Variants in CDH20 observed in about 807,000 individuals in gnomAD.
The protein encoded by CDH20 is cadherin 20.
A neutral mutation model predicts 74.2 loss-of-function variants in CDH20; 29 were observed. That is an observed-to-expected ratio of 0.39 (90% confidence interval 0.29 to 0.53). The LOEUF (loss-of-function observed/expected upper bound fraction) is 0.53. CDH20 is among the 20% of genes least tolerant of loss of function. The probability of loss-of-function intolerance (pLI) is 0.69; values close to 1 mark genes in which losing one functional copy is unlikely to be tolerated. For missense variants in CDH20, 988 were observed against 1,048.3 expected (o/e 0.94, Z 0.79); for synonymous variants, 469 against 405.4 (o/e 1.16, Z -1.88).
chr18:61,341,203 A>C (rs1452118520), intron 1 of CDH20, among the ~76,000 whole-genome samples: 1 of 152,008 alleles, frequency 6.6e-6, no homozygotes, highest in Non-Finnish European at 1.5e-5. Flanking sequence ...ACAGAAATTT[A>C]TTTTTCATGG....
intron 6 of CDH20, among the ~76,000 whole-genome samples, chr18:61,510,650 A>T (rs947313591): frequency 6.6e-6 from 1 of 152,178 alleles, no homozygotes; most frequent in Non-Finnish European, 1.5e-5. Context: ...AGGATCCAGA[A>T]TTCCACCAAC....
At chr18:61,485,204 T>C (rs1044403034) in intron 1 of CDH20, among the ~76,000 whole-genome samples, 6 of 152,234 alleles carry the variant, frequency 3.9e-5, no homozygotes, top group Non-Finnish European at 8.8e-5. Flanking sequence ...AAGGTAATAC[T>C]GTAATTCTTC....
chr18:61,403,976 T>G (rs977731284), intron 1 of CDH20, among the ~76,000 whole-genome samples: 2 of 152,010 alleles, frequency 1.3e-5, no homozygotes, highest in Non-Finnish European at 2.9e-5. Flanking sequence ...CAGACTAACG[T>G]GGGAACAGAA....
intron 1 of CDH20, among the ~76,000 whole-genome samples, chr18:61,437,172 C>T (rs1312442482): frequency 6.6e-6 from 1 of 152,154 alleles, no homozygotes; most frequent in East Asian, 1.9e-4. Flanking sequence ...GCAAACATTC[C>T]ATTGCCACCA....
At position 61,554,177 on chromosome 18, in the gene CDH20, T is replaced by C. The variant is rs372695616; in HGVS notation, c.1901-13T>C. ...CTCCTCGGTAAACACACTCTCCTTTTTGTTCCTGGCAGTGCTGGTGTTGCT... is the reference window on the plus strand; with the variant it reads ...CTCCTCGGTAAACACACTCTCCTTTCTGTTCCTGGCAGTGCTGGTGTTGCT... On this transcript the variant is annotated splice_polypyrimidine_tract_variant and intron_variant, in intron 11 of 11. Coordinates refer to ENST00000262717, the MANE Select transcript of CDH20 (RefSeq NM_031891.4). 4.8e-5 allele frequency: 77 copies of C among 1,600,702 alleles called. No homozygotes were observed. Among genetic ancestry groups the C allele is most frequent in the Non-Finnish European group, 6.5e-5 (76 of 1,170,886 alleles).
chr18:61,391,087 T>A (rs887078747), intron 1 of CDH20, among the ~76,000 whole-genome samples: 4 of 152,206 alleles, frequency 2.6e-5, no homozygotes, highest in African/African-American at 9.6e-5. Flanking sequence ...TTTTGCTATG[T>A]ACATATGACA....
At chr18:61,480,761 T>C (rs1910562039) in intron 1 of CDH20, among the ~76,000 whole-genome samples, 1 of 152,216 alleles carries the variant, frequency 6.6e-6, no homozygotes, top group South Asian at 2.1e-4. Flanking sequence ...TCATAAGATT[T>C]CCAAGTATTT....
chr18:61,486,102 C>T (rs950015361), intron 1 of CDH20, among the ~76,000 whole-genome samples: 2 of 152,074 alleles, frequency 1.3e-5, no homozygotes, highest in African/African-American at 4.8e-5. Context: ...TAAACAAACC[C>T]ATTTTACTTA....
chr18:61,362,812 T>C (rs1484766792), intron 1 of CDH20, among the ~76,000 whole-genome samples: 2 of 152,142 alleles, frequency 1.3e-5, no homozygotes, highest in East Asian at 3.8e-4. Context: ...GTATACAAAA[T>C]TACCCATATG....
At chr18:61,430,574 T>G (rs1441919755) in intron 1 of CDH20, among the ~76,000 whole-genome samples, 1 of 152,230 alleles carries the variant, frequency 6.6e-6, no homozygotes, top group Non-Finnish European at 1.5e-5. Flanking sequence ...AAGCAAAGTA[T>G]CTACACACAT....
chr18:61,461,971 G>A (rs1863809020), intron 1 of CDH20, among the ~76,000 whole-genome samples: 2 of 152,136 alleles, frequency 1.3e-5, no homozygotes, highest in Non-Finnish European at 2.9e-5. Context: ...GACTTGGCCC[G>A]CATTCAGAGG....
At chr18:61,538,969 T>TA in intron 8 of CDH20, 55 bp from the exon 9 acceptor site, 1 of 1,596,166 alleles carries the variant, frequency 6.3e-7, no homozygotes, top group Non-Finnish European at 8.5e-7. Flanking sequence ...TTACTCTTTT[T>TA]TTTCTTTTGG....
In CDH20 at chr18:61,550,211, T is replaced by G; in HGVS notation, c.1882T>G (p.Cys628Gly). ...GGGCGCCCTCATTGCCATCCTCGCC[T>G]GCATCTTTGTCCTCTTAGGTGAGTA... ...SRGALIAILA[C>G]IFVLLVLVLL... Residue 628 changes from cysteine to glycine, a missense_variant, in exon 11 of 12, where the codon TGC becomes GGC. Physicochemically the swap from Cys to Gly is radical, Grantham distance 159. Coordinates refer to ENST00000262717, the MANE Select transcript of CDH20 (RefSeq NM_031891.4). 2 of 1,613,644 alleles carry G rather than the reference T, an allele frequency of 1.2e-6. No homozygotes were observed. The highest frequency in any genetic ancestry group is 8.5e-7 in the Non-Finnish European group (1 of 1,179,902).
intron 7 of CDH20, among the ~76,000 whole-genome samples, chr18:61,533,540 T>G (rs1288280706): frequency 6.6e-6 from 1 of 152,226 alleles, no homozygotes; most frequent in African/African-American, 2.4e-5. Flanking sequence ...ATTAGCCCCT[T>G]ATTTTATGAA....
chr18:61,365,521 C>T (rs530483695), intron 1 of CDH20, among the ~76,000 whole-genome samples: 12 of 152,184 alleles, frequency 7.9e-5, no homozygotes, highest in Admixed American at 2.6e-4. Context: ...TAAAAAAGGT[C>T]CACTGAGTAA....
At chr18:61,365,354 C>CT (rs1484155835) in intron 1 of CDH20, among the ~76,000 whole-genome samples, 1 of 152,158 alleles carries the variant, frequency 6.6e-6, no homozygotes, top group East Asian at 1.9e-4. Flanking sequence ...CTGTCTGCCT[C>CT]TATATTAAAT....
chr18:61,415,146 T>C (rs927837806), intron 1 of CDH20, among the ~76,000 whole-genome samples: 10 of 152,174 alleles, frequency 6.6e-5, no homozygotes, highest in Non-Finnish European at 1.2e-4. Flanking sequence ...TTTTATTCAC[T>C]AGTACTATCA....
rs891637176 is a variant in CDH20, at chr18:61,345,792, G to A, written c.-153+11965G>A. Among the ~76,000 whole-genome samples, 4 of 152,182 alleles carry A rather than the reference G, an allele frequency of 2.6e-5. No homozygotes were observed. In the East Asian group the frequency reaches 7.7e-4, roughly 29 times the overall value. ...AGTATGCAGGATAGAGTGCGAACTA[G>A]GAGAGCAGCACTTCCATCCTCCACG... On this transcript the variant is annotated intron_variant, in intron 1 of 11. Transcript: ENST00000262717.
At chr18:61,335,971 T>C (rs1181525398) in intron 1 of CDH20, among the ~76,000 whole-genome samples, 1 of 152,218 alleles carries the variant, frequency 6.6e-6, no homozygotes, top group Non-Finnish European at 1.5e-5. Context: ...GTGTTTATAC[T>C]ACTGAAACGC....
Sources: allele counts gnomAD v4.1 joint callset (sites outside exome capture counted in the v4.1 genomes callset), GRCh38; gene constraint gnomAD v4.1.1; transcripts MANE v1.5; gene names NCBI Gene and HGNC (gene_info 2026-07-23, HGNC 2026-07-21).